AP3B1: variants seen among roughly 807,000 people sequenced by gnomAD.
AP3B1 encodes adaptor related protein complex 3 subunit beta 1.
AP3B1 carries 61 observed loss-of-function variants against 132.5 expected under a neutral mutation model. The observed-to-expected ratio is 0.46, with a 90% confidence interval of 0.37 to 0.57. The LOEUF (loss-of-function observed/expected upper bound fraction) is 0.57, where lower values mean the gene tolerates loss of function less well. Ranked by LOEUF, AP3B1 falls within the 20% of genes least tolerant of loss-of-function variation. The probability of loss-of-function intolerance (pLI) is 0.00; values close to 1 mark genes in which losing one functional copy is unlikely to be tolerated. For synonymous variants in AP3B1, 388 were observed against 438.3 expected, an observed-to-expected ratio of 0.89 and a Z score of 1.43; for missense variants, 1,120 against 1,289.4, an observed-to-expected ratio of 0.87 and a Z score of 2.01.
chr5:78,182,014 A>G (rs1277427785), intron 7 of AP3B1, among the ~76,000 whole-genome samples: 1 of 152,218 alleles, frequency 6.6e-6, no homozygotes, highest in East Asian at 1.9e-4. Context: ...AACTATTTCC[A>G]TAAATTGTCA....
intron 12 of AP3B1, among the ~76,000 whole-genome samples, chr5:78,163,645 A>ATATAC (rs1207171561): frequency 1.3e-5 from 2 of 148,366 alleles, no homozygotes; most frequent in South Asian, 2.1e-4. Context: ...GTATACATAT[A>ATATAC]TATATATACA....
chr5:78,034,422 T>C lies in AP3B1; in HGVS notation c.2833A>G (p.Ile945Val). The change falls in exon 24 of 27, where the codon ATT becomes GTT. Residue 945 changes from isoleucine (I) to valine (V), a missense_variant. Transcript: ENST00000255194. ...AAGTCAATACCCATTGAAACTGTAA[T>C]GGATCCCTCAGGCTCAAGAGAGTCT... Reference protein sequence around the residue: ...PIDSLEPEGSITVSMGIDFCD... With the variant: ...PIDSLEPEGSVTVSMGIDFCD... 1 of 1,611,752 alleles carries C rather than the reference T, an allele frequency of 6.2e-7. No homozygotes were observed.
At position 78,024,103 on chromosome 5, in the gene AP3B1, A is replaced by G. The variant is rs564448572; in HGVS notation, c.2895-3314T>C. On this transcript the variant is annotated intron_variant, in intron 24 of 26. Transcript: ENST00000255194. ...AGCCGAAAAGGAGTGCTTAAGAGAG[A>G]AAGGATTGAGGGTAGGCTACTCGAA... 3.9e-5 allele frequency among the ~76,000 whole-genome samples: 6 copies of G among 152,234 alleles called. No individual in the cohort carries two copies. The South Asian group carries it at 1.2e-3, about 32-fold the overall frequency.
intron 20 of AP3B1, among the ~76,000 whole-genome samples, chr5:78,108,643 CT>C (rs1350218454): frequency 6.6e-6 from 1 of 152,188 alleles, no homozygotes; most frequent in African/African-American, 2.4e-5. Flanking sequence ...GTTTTTTATA[CT>C]GACGTTCTAT....
At chr5:78,281,874 A>G (rs1466870108) in intron 1 of AP3B1, among the ~76,000 whole-genome samples, 1 of 152,142 alleles carries the variant, frequency 6.6e-6, no homozygotes, top group Non-Finnish European at 1.5e-5. Flanking sequence ...CACACTTAAC[A>G]ATGGTTAGGT....
intron 7 of AP3B1, among the ~76,000 whole-genome samples, chr5:78,182,310 T>C (rs1203193141): frequency 6.6e-6 from 1 of 152,170 alleles, no homozygotes; most frequent in Non-Finnish European, 1.5e-5. Context: ...GCCACATACA[T>C]CCAATTCAAC....
At chr5:78,035,402 C>A (rs1385722967) in intron 23 of AP3B1, among the ~76,000 whole-genome samples, 2 of 152,154 alleles carry the variant, frequency 1.3e-5, no homozygotes, top group African/African-American at 4.8e-5. Flanking sequence ...CATCCTATCA[C>A]ACGTAGTTAT....
intron 21 of AP3B1, among the ~76,000 whole-genome samples, chr5:78,100,067 G>A (rs945450902): frequency 1.2e-4 from 19 of 152,090 alleles, no homozygotes; most frequent in Non-Finnish European, 2.8e-4. Flanking sequence ...TAGCCAATGT[G>A]TAAAACATGA....
In AP3B1 at chr5:78,003,233, C is replaced by T. The variant is rs575062279; in HGVS notation, c.3132-178G>A. Reference sequence around the variant, plus strand: ...TCTGAAAAATCAATAAACTGTCCAGCCCATGCTAACCACAAGCAGGTAATT... The same window carrying T: ...TCTGAAAAATCAATAAACTGTCCAGTCCATGCTAACCACAAGCAGGTAATT... On this transcript the variant is annotated intron_variant, in intron 26 of 26. Transcript: ENST00000255194. Among the ~76,000 whole-genome samples the T allele has an allele frequency of 4.6e-5, 7 of 152,306 alleles. No homozygotes were observed. In the East Asian group the frequency reaches 1.3e-3, roughly 29 times the overall value.
intron 7 of AP3B1, among the ~76,000 whole-genome samples, chr5:78,197,208 G>T (rs1180790043): frequency 6.6e-6 from 1 of 151,874 alleles, no homozygotes; most frequent in Non-Finnish European, 1.5e-5. Flanking sequence ...AAAGCAGTGA[G>T]TTTAATATAT....
intron 14 of AP3B1, among the ~76,000 whole-genome samples, chr5:78,154,739 CT>C (rs1369701292): frequency 2.6e-5 from 4 of 152,166 alleles, no homozygotes; most frequent in Admixed American, 6.5e-5. Context: ...CTAAGAGACT[CT>C]GATGCAATCT....
intron 7 of AP3B1, among the ~76,000 whole-genome samples, chr5:78,186,776 T>G (rs1744623821): frequency 6.6e-6 from 1 of 152,216 alleles, no homozygotes; most frequent in Non-Finnish European, 1.5e-5. Flanking sequence ...CTAAAATGTT[T>G]TAGGTTAATA....
chr5:78,034,542 A>T, intron 23 of AP3B1, 97 bp from the exon 24 acceptor site: 1 of 921,676 alleles, frequency 1.1e-6, no homozygotes, highest in Non-Finnish European at 1.8e-6. Context: ...AGCTTGGTTG[A>T]AACTGTGAAA....
intron 15 of AP3B1, among the ~76,000 whole-genome samples, chr5:78,129,679 T>C (rs1752611608): frequency 6.6e-6 from 1 of 151,868 alleles, no homozygotes; most frequent in Non-Finnish European, 1.5e-5. Context: ...ATCGGAAAAA[T>C]ATGCAGGACA....
intron 7 of AP3B1, among the ~76,000 whole-genome samples, chr5:78,188,408 A>C (rs1173953008): frequency 1.3e-5 from 2 of 152,218 alleles, no homozygotes; most frequent in African/African-American, 4.8e-5. Context: ...CCCCATTAAA[A>C]AGTGGGCAAA....
At chr5:78,115,009 A>G (rs906681187) in intron 18 of AP3B1, among the ~76,000 whole-genome samples, 2 of 152,232 alleles carry the variant, frequency 1.3e-5, no homozygotes, top group African/African-American at 4.8e-5. Flanking sequence ...TGAAACATAC[A>G]AAGGAGATTA....
At chr5:78,034,469 A>G (rs201884041) in intron 23 of AP3B1, 24 bp from the exon 24 acceptor site, 32 of 1,537,950 alleles carry the variant, frequency 2.1e-5, no homozygotes, top group Non-Finnish European at 2.5e-5. Flanking sequence ...TAATTTAGAC[A>G]TGAAAACACA....
At chr5:78,184,615 G>A (rs1279417013) in intron 7 of AP3B1, among the ~76,000 whole-genome samples, 1 of 150,900 alleles carries the variant, frequency 6.6e-6, no homozygotes, top group Non-Finnish European at 1.5e-5. Context: ...GTGAACCTGG[G>A]AGGCAGAGAT....
At position 78,128,179 on chromosome 5, in the gene AP3B1, A is replaced by C. The variant is rs140840619; in HGVS notation, c.1838-19T>G. The C allele has an allele frequency of 5.6e-4, 883 of 1,567,704 alleles. 2 individuals are homozygous for C. The African/African-American group carries it at 0.011, about 19-fold the overall frequency. On this transcript the variant is annotated intron_variant, in intron 16 of 26. Coordinates refer to ENST00000255194, the MANE Select transcript of AP3B1 (RefSeq NM_003664.5). The stretch of plus-strand genomic sequence containing the variant: ...TCTCTATCTATTAAAAATAGGGAAA[A>C]ATATAAAATAAACAATATGAGCTGT...
Sources: allele counts gnomAD v4.1 joint callset (sites outside exome capture counted in the v4.1 genomes callset), GRCh38; gene constraint gnomAD v4.1.1; transcripts MANE v1.5; gene names NCBI Gene and HGNC (gene_info 2026-07-23, HGNC 2026-07-21).